ZFPM1: variants seen among roughly 807,000 people sequenced by gnomAD.
The protein encoded by ZFPM1 is zinc finger protein, FOG family member 1.
ZFPM1 carries 28 observed loss-of-function variants against 46.3 expected under a neutral mutation model. The ratio of observed to expected loss-of-function variants is 0.60; its 90% CI spans 0.45 to 0.83. The LOEUF is 0.83. Ranked by LOEUF, ZFPM1 falls within the 40% of genes least tolerant of loss-of-function variation. The pLI, the probability that ZFPM1 is intolerant of heterozygous loss-of-function variation, is 0.00. For missense variants in ZFPM1, 1,878 were observed against 1,432.4 expected (o/e 1.31, Z -5.02); for synonymous variants, 957 against 675.9 (o/e 1.42, Z -6.45).
chr16:88,516,946 C>T (rs1911338508), intron 4 of ZFPM1, among the ~76,000 whole-genome samples: 1 of 152,132 alleles, frequency 6.6e-6, no homozygotes, highest in Non-Finnish European at 1.5e-5. Flanking sequence ...GGGGCGGGCA[C>T]CCACAGAGGA....
At chr16:88,523,376 C>T (rs566945140) in intron 4 of ZFPM1, among the ~76,000 whole-genome samples, 1 of 152,206 alleles carries the variant, frequency 6.6e-6, no homozygotes, top group Non-Finnish European at 1.5e-5. Flanking sequence ...CCGTGCCCGG[C>T]CAGCCCCTCC....
At chr16:88,492,793 T>C (rs11643541) in intron 3 of ZFPM1, among the ~76,000 whole-genome samples, 27,553 of 152,106 alleles carry the variant, frequency 0.18, 2,770 homozygotes, top group East Asian at 0.28. Flanking sequence ...CTGGAGGCAC[T>C]CATGTAACAT....
At chr16:88,453,721 C>A in intron 1 of ZFPM1, 43 bp downstream of exon 1, 1 of 1,142,836 alleles carries the variant, frequency 8.8e-7, no homozygotes, top group Non-Finnish European at 1.1e-6. Context: ...GCGCCCGACC[C>A]CCGCCGGAGC....
chr16:88,534,717 G>T lies in ZFPM1; in HGVS notation c.2759G>T (p.Gly920Val). 1 of 975,970 alleles carries T rather than the reference G, an allele frequency of 1.0e-6. No homozygotes were observed. The allele number at this position is 975,970 out of a possible 1,614,324, so 60.5% of individuals were successfully genotyped here. The stretch of plus-strand genomic sequence containing the variant: ...CCCGGGTCCCGTGGCCCCCGGGACG[G>T]CCTCGGCCCGGAGCCCCAGGAGCCG... ...PQPGSRGPRD[G>V]LGPEPQEPPP... is the part of the protein sequence containing the mutation. Residue 920 changes from glycine (G) to valine (V), a missense_variant, in exon 10 of 10, where the codon GGC becomes GTC. By Grantham distance (109) the Gly-to-Val change is moderately radical (BLOSUM62 -3). Transcript: ENST00000319555.
At chr16:88,489,395 T>A (rs551748196) in intron 3 of ZFPM1, 1 of 507,568 alleles carries the variant, frequency 2.0e-6, no homozygotes, top group Non-Finnish European at 3.3e-6. Flanking sequence ...GGGGGTTCCC[T>A]GGATCAGAGC....
chr16:88,536,175 A>G lies in ZFPM1; in HGVS notation c.*1196A>G, dbSNP rs751549429. 2.0e-5 allele frequency: 3 copies of G among 150,872 alleles called. No homozygotes were observed. Among genetic ancestry groups the G allele is most frequent in the African/African-American group, 7.3e-5 (3 of 40,918 alleles). The allele number at this position is 150,872 out of a possible 1,614,324, so 9.3% of individuals were successfully genotyped here. On this transcript the variant is annotated 3_prime_UTR_variant, in exon 10 of 10. Coordinates refer to ENST00000319555, the MANE Select transcript of ZFPM1 (RefSeq NM_153813.3). Reference sequence around the variant, plus strand: ...CTCCCTATGTTGCCCAGGCTGGGCAACCCTATATTTTTTAGAGCTAAGGTC... The same window carrying G: ...CTCCCTATGTTGCCCAGGCTGGGCAGCCCTATATTTTTTAGAGCTAAGGTC...
At chr16:88,458,715 CA>C (rs1907667755) in intron 1 of ZFPM1, among the ~76,000 whole-genome samples, 1 of 152,204 alleles carries the variant, frequency 6.6e-6, no homozygotes, top group African/African-American at 2.4e-5. Context: ...ACCTGGCCAC[CA>C]TACCCGTGGG....
At position 88,514,536 on chromosome 16, in the gene ZFPM1, C is replaced by G. The variant is rs1472242389; in HGVS notation, c.402+16C>G. Reference sequence around the variant, plus strand: ...GGCGGAGCCGGTAAGAAGCCCCCATCCCCGCCCCTGCCCGCCCACCCCAAT... The same window carrying G: ...GGCGGAGCCGGTAAGAAGCCCCCATGCCCGCCCCTGCCCGCCCACCCCAAT... On this transcript the variant is annotated intron_variant, in intron 4 of 9. Transcript: ENST00000319555. 5.2e-6 allele frequency: 8 copies of G among 1,547,594 alleles called. No homozygotes were observed. Among genetic ancestry groups the G allele is most frequent in the Non-Finnish European group, 7.0e-6 (8 of 1,146,742 alleles).
rs1213400116 is a variant in ZFPM1, at chr16:88,485,495, AGCGGTGCAATC to A, written c.41-439_41-429del. On this transcript the variant is annotated intron_variant, in intron 1 of 9. Coordinates refer to ENST00000319555, the MANE Select transcript of ZFPM1 (RefSeq NM_153813.3). ...CACTCTGTCACCCAGGCTGGAGTGC[AGCGGTGCAATC>A]GCGGCTCACTGCAGCCTCCAACTCC... Among the ~76,000 whole-genome samples, 9 of 149,736 alleles carry A rather than the reference AGCGGTGCAATC, an allele frequency of 6.0e-5. No homozygotes were observed. In the South Asian group the frequency reaches 1.9e-3, roughly 32 times the overall value.
intron 1 of ZFPM1, among the ~76,000 whole-genome samples, chr16:88,461,252 CCCTGGTGAGGACCGACGGGTGCGAGG>C (rs1397529569): frequency 3.3e-5 from 2 of 59,876 alleles, no homozygotes; most frequent in African/African-American, 8.7e-5. Flanking sequence ...GGGCGGGAGG[CCCTGGTGAGGACCGACGGGTGCGAGG>C]CCTGGTGAGG....
At chr16:88,516,742 G>A (rs930244101) in intron 4 of ZFPM1, 6 of 395,848 alleles carry the variant, frequency 1.5e-5, no homozygotes, top group African/African-American at 8.2e-5. Context: ...CCCTGAGGAG[G>A]ACGTTGCCTC....
In ZFPM1 at chr16:88,534,802, G is replaced by A. The variant is rs759408456; in HGVS notation, c.2844G>A (p.Ala948=). Residue 948 remains alanine (A), a synonymous_variant, in exon 10 of 10, where the codon GCG becomes GCA. Coordinates refer to ENST00000319555, the MANE Select transcript of ZFPM1 (RefSeq NM_153813.3). The part of the protein sequence containing the change: ...AAPEAVPPPP[A]PPSYSDKGVQ... ...CCGAGGCCGTGCCGCCCCCGCCGGCGCCCCCCTCCTACTCGGACAAGGGCG... is the reference window on the plus strand; with the variant it reads ...CCGAGGCCGTGCCGCCCCCGCCGGCACCCCCCTCCTACTCGGACAAGGGCG... 4.3e-6 allele frequency: 6 copies of A among 1,385,792 alleles called. No homozygotes were observed. The highest frequency in any genetic ancestry group is 1.8e-5 in the South Asian group (1 of 56,968). 85.8% of individuals were successfully genotyped at this position (1,385,792 alleles called of 1,614,324 possible).
intron 1 of ZFPM1, among the ~76,000 whole-genome samples, chr16:88,467,676 G>A (rs1219515781): frequency 6.6e-6 from 1 of 152,150 alleles, no homozygotes. Context: ...ACGGGCTCTG[G>A]GCTGGCTGCT....
intron 4 of ZFPM1, among the ~76,000 whole-genome samples, chr16:88,520,312 G>A (rs372284869): frequency 6.6e-6 from 1 of 150,640 alleles, no homozygotes; most frequent in African/African-American, 2.4e-5. Context: ...GCGTGGGTGA[G>A]TGGGTGAAGG....
chr16:88,528,039 A>T lies in ZFPM1; in HGVS notation c.513A>T (p.Ala171=), dbSNP rs1245842629. 6.5e-7 allele frequency: 1 copy of T among 1,542,394 alleles called. No homozygotes were observed. Among genetic ancestry groups the T allele is most frequent in the South Asian group, 1.2e-5 (1 of 84,088 alleles). Residue 171 remains alanine (A), a synonymous_variant, in exon 6 of 10, where the codon GCA becomes GCT. Transcript: ENST00000319555. ...ANTEIHRKDD[A]LWCRVTKPVP... ...ACACCTGTCTCCCTCCAGATGACGC[A>T]CTCTGGTGCAGGGTCACCAAGCCGG...
chr16:88,498,401 C>T lies in ZFPM1; in HGVS notation c.268+9248C>T, dbSNP rs138064116. On this transcript the variant is annotated intron_variant, in intron 3 of 9. Transcript: ENST00000319555. ...CCTGGACGTGTATGGTGGAGGGACACGGGCCCTGGAACCAGAAAGAACATG... is the reference window on the plus strand; with the variant it reads ...CCTGGACGTGTATGGTGGAGGGACATGGGCCCTGGAACCAGAAAGAACATG... Among the ~76,000 whole-genome samples, 282 of 152,234 alleles carry T rather than the reference C, an allele frequency of 1.9e-3. 1 individual carries two copies. Among genetic ancestry groups the T allele is most frequent in the African/African-American group, 6.4e-3 (265 of 41,548 alleles).
chr16:88,520,876 G>C (rs1271697800), intron 4 of ZFPM1, among the ~76,000 whole-genome samples: 1 of 113,014 alleles, frequency 8.8e-6, no homozygotes, highest in Non-Finnish European at 1.8e-5. Context: ...TGGACGGATG[G>C]ATGGGAGGGA....
rs1567541180 is a variant in ZFPM1, at chr16:88,501,290, CCTCCCGCAGGTGCTGGTG to C, written c.268+12138_268+12155del. Among the ~76,000 whole-genome samples, 18 of 91,416 alleles carry C rather than the reference CCTCCCGCAGGTGCTGGTG, an allele frequency of 2.0e-4. 3 individuals carry two copies. The highest frequency in any genetic ancestry group is 7.3e-4 in the African/African-American group (15 of 20,548). 60.0% of individuals were successfully genotyped at this position (91,416 alleles called of 152,430 possible). A position where few individuals can be genotyped will look rare whatever the true frequency, so the allele number is the denominator to read the frequency against. The stretch of plus-strand genomic sequence containing the variant: ...AGATAGTGGGCCTGGGTGCGGGGGC[CCTCCCGCAGGTGCTGGTG>C]ATGATGGAGATAGCAGACATGGGTG... On this transcript the variant is annotated intron_variant, in intron 3 of 9. Coordinates refer to ENST00000319555, the MANE Select transcript of ZFPM1 (RefSeq NM_153813.3).
At chr16:88,498,529 G>T (rs141130484) in intron 3 of ZFPM1, among the ~76,000 whole-genome samples, 1 of 152,336 alleles carries the variant, frequency 6.6e-6, no homozygotes, top group Non-Finnish European at 1.5e-5. Flanking sequence ...GGCCCTCCGG[G>T]ATCTGCTCCT....
Sources: allele counts gnomAD v4.1 joint callset (sites outside exome capture counted in the v4.1 genomes callset), GRCh38; gene constraint gnomAD v4.1.1; transcripts MANE v1.5; gene names NCBI Gene and HGNC (gene_info 2026-07-23, HGNC 2026-07-21).